Variants in BBS9 observed in about 807,000 individuals in gnomAD.
The protein encoded by BBS9 is Bardet-Biedl syndrome 9, also known as protein PTHB1.
A neutral mutation model predicts 117.7 loss-of-function variants in BBS9; 89 were observed. The ratio of observed to expected loss-of-function variants is 0.76; its 90% CI spans 0.64 to 0.90. The LOEUF is 0.90. Among genes scored for constraint, BBS9 ranks in the 40% least tolerant of loss-of-function variants. The probability of loss-of-function intolerance (pLI) is 0.00; values close to 1 mark genes in which losing one functional copy is unlikely to be tolerated. For missense variants in BBS9, 982 were observed against 1,042.2 expected, an observed-to-expected ratio of 0.94 and a Z score of 0.80; for synonymous variants, 379 against 370.9, an observed-to-expected ratio of 1.02 and a Z score of -0.25.
chr7:33,245,977 T>C (rs1262615249), intron 5 of BBS9, among the ~76,000 whole-genome samples: 1 of 152,144 alleles, frequency 6.6e-6, no homozygotes, highest in East Asian at 1.9e-4. Flanking sequence ...TATACTTAAT[T>C]CTGGAGGTAC....
intron 19 of BBS9, among the ~76,000 whole-genome samples, chr7:33,485,871 A>C (rs574293302): frequency 1.3e-5 from 2 of 152,308 alleles, no homozygotes; most frequent in East Asian, 3.9e-4. Context: ...GAATGGAGAT[A>C]GCTGGTCACC....
At chr7:33,241,257 G>A (rs1794476481) in intron 5 of BBS9, among the ~76,000 whole-genome samples, 1 of 152,064 alleles carries the variant, frequency 6.6e-6, no homozygotes, top group Non-Finnish European at 1.5e-5. Flanking sequence ...TATGTTGATA[G>A]TTATTTTTCC....
intron 19 of BBS9, among the ~76,000 whole-genome samples, chr7:33,477,304 C>T (rs929343703): frequency 2.6e-5 from 4 of 152,122 alleles, no homozygotes; most frequent in Non-Finnish European, 5.9e-5. Flanking sequence ...GCCAGGCAGT[C>T]ACTTTGAAGA....
chr7:33,143,578 T>C (rs1791867309), intron 1 of BBS9, among the ~76,000 whole-genome samples: 1 of 152,062 alleles, frequency 6.6e-6, no homozygotes, highest in Non-Finnish European at 1.5e-5. Flanking sequence ...TTTTTTGTTG[T>C]TGTTTGAGAC....
At chr7:33,469,729 A>G (rs1225849588) in intron 19 of BBS9, among the ~76,000 whole-genome samples, 1 of 152,104 alleles carries the variant, frequency 6.6e-6, no homozygotes, top group Non-Finnish European at 1.5e-5. Context: ...CCCAGCTGTT[A>G]AAAAAAGAGG....
At chr7:33,394,630 A>G (rs1057452502) in intron 19 of BBS9, among the ~76,000 whole-genome samples, 40 of 152,176 alleles carry the variant, frequency 2.6e-4, no homozygotes, top group Non-Finnish European at 5.1e-4. Flanking sequence ...CTAGCTTTGG[A>G]GGTATAATGT....
intron 21 of BBS9, among the ~76,000 whole-genome samples, chr7:33,539,754 T>A (rs1034572639): frequency 3.3e-5 from 5 of 152,242 alleles, no homozygotes; most frequent in Admixed American, 2.0e-4. Flanking sequence ...CTGCCAGATT[T>A]TCACTGCTCA....
At chr7:33,456,053 C>T (rs190450392) in intron 19 of BBS9, among the ~76,000 whole-genome samples, 15 of 152,268 alleles carry the variant, frequency 9.9e-5, no homozygotes, top group African/African-American at 3.4e-4. Flanking sequence ...TGTGCACACA[C>T]ATAAAGCCCA....
At chr7:33,462,656 G>A (rs894088287) in intron 19 of BBS9, among the ~76,000 whole-genome samples, 1 of 152,000 alleles carries the variant, frequency 6.6e-6, no homozygotes, top group African/African-American at 2.4e-5. Context: ...GTTAAATGAA[G>A]TTTAAAAAAA....
At chr7:33,370,537 G>A (rs10245418) in intron 17 of BBS9, among the ~76,000 whole-genome samples, 1 of 152,024 alleles carries the variant, frequency 6.6e-6, no homozygotes. Context: ...TGTTATCACA[G>A]TCCTAAATTA....
intron 19 of BBS9, among the ~76,000 whole-genome samples, chr7:33,457,702 G>A (rs374521424): frequency 4.6e-5 from 7 of 152,244 alleles, no homozygotes; most frequent in African/African-American, 4.8e-5. Context: ...CTCAAGGTTA[G>A]TTTGTCTGGA....
intron 12 of BBS9, among the ~76,000 whole-genome samples, chr7:33,347,014 C>T (rs1817709459): frequency 6.7e-6 from 1 of 150,368 alleles, no homozygotes; most frequent in Admixed American, 7.0e-5. Flanking sequence ...TGAGTCTTAA[C>T]CACAGTTGGT....
intron 19 of BBS9, among the ~76,000 whole-genome samples, chr7:33,470,630 C>T (rs1449347643): frequency 6.6e-6 from 1 of 152,162 alleles, no homozygotes; most frequent in African/African-American, 2.4e-5. Flanking sequence ...GCATAATAGA[C>T]TTTAGAAGAT....
At chr7:33,514,674 T>C (rs554873987) in intron 20 of BBS9, among the ~76,000 whole-genome samples, 40 of 152,344 alleles carry the variant, frequency 2.6e-4, no homozygotes, top group Admixed American at 1.7e-3. Flanking sequence ...TATGCAAATA[T>C]ATATCCAAAT....
downstream of BBS9, among the ~76,000 whole-genome samples, chr7:33,606,713 TCA>T (rs1864590066): frequency 6.6e-6 from 1 of 152,088 alleles, no homozygotes; most frequent in East Asian, 1.9e-4. Context: ...CCCCAACCCT[TCA>T]CTTCAAGGCT....
At chr7:33,264,259 A>C (rs747683737) in intron 6 of BBS9, 31 bp from the exon 7 acceptor site, 5 of 1,154,044 alleles carry the variant, frequency 4.3e-6, no homozygotes, top group Non-Finnish European at 4.8e-6. Context: ...TTATAAACTC[A>C]TTTATAATTT....
intron 7 of BBS9, among the ~76,000 whole-genome samples, chr7:33,269,066 A>G (rs775910440): frequency 6.6e-6 from 1 of 152,172 alleles, no homozygotes; most frequent in Non-Finnish European, 1.5e-5. Flanking sequence ...ACCTATGTTC[A>G]CTAGGCTGTC....
intron 21 of BBS9, among the ~76,000 whole-genome samples, chr7:33,618,157 TA>T (rs1221070112): frequency 6.6e-6 from 1 of 152,010 alleles, no homozygotes; most frequent in Non-Finnish European, 1.5e-5. Flanking sequence ...CTGGGCAACA[TA>T]GTGAGACTCT....
At chr7:33,382,187 T>C (rs73101690) in intron 17 of BBS9, among the ~76,000 whole-genome samples, 14,748 of 152,134 alleles carry the variant, frequency 0.097, 995 homozygotes, top group Non-Finnish European at 0.15. Context: ...CCTGACCCAG[T>C]GTGGCAGCTC....
Sources: allele counts gnomAD v4.1 joint callset (sites outside exome capture counted in the v4.1 genomes callset), GRCh38; gene constraint gnomAD v4.1.1; transcripts MANE v1.5; gene names NCBI Gene and HGNC (gene_info 2026-07-23, HGNC 2026-07-21).